Variants in CLASP2 observed in about 807,000 individuals in gnomAD.
CLASP2 encodes cytoplasmic linker associated protein 2.
In CLASP2, 47 loss-of-function variants were observed where a neutral mutation model predicts 194.4. That is an observed-to-expected ratio of 0.24 (90% confidence interval 0.19 to 0.31). The LOEUF (loss-of-function observed/expected upper bound fraction) is 0.31. CLASP2 is among the 10% of genes least tolerant of loss of function. The pLI is 1.00. For missense variants in CLASP2, 1,445 were observed against 1,823.6 expected (o/e 0.79, Z 3.78); for synonymous variants, 619 against 633.5 (o/e 0.98, Z 0.34).
Position 33,718,114 on chromosome 3 carries a change from C to G in CLASP2, c.-112G>C. The stretch of plus-strand genomic sequence containing the variant: ...AGCGGGCGGGACTCACTTAGCCCGC[C>G]AGGGGCGCGGCTTGCGGGGCGCAGC... On this transcript the variant is annotated 5_prime_UTR_variant, in exon 1 of 39. Coordinates refer to ENST00000682230, the MANE Select transcript of CLASP2 (RefSeq NM_001365631.1). 8.8e-7 allele frequency: 1 copy of G among 1,137,604 alleles called. No individual in the cohort carries two copies. Among genetic ancestry groups the G allele is most frequent in the Non-Finnish European group, 1.2e-6 (1 of 868,282 alleles). 70.5% of individuals were successfully genotyped at this position (1,137,604 alleles called of 1,614,324 possible).
intron 1 of CLASP2, among the ~76,000 whole-genome samples, chr3:33,707,015 A>G (rs1219411568): frequency 6.6e-6 from 1 of 152,186 alleles, no homozygotes; most frequent in Admixed American, 6.5e-5. Flanking sequence ...AACTCTGTCC[A>G]TTGAATAAAT....
chr3:33,649,297 G>C (rs530242927), intron 7 of CLASP2, among the ~76,000 whole-genome samples: 2 of 152,066 alleles, frequency 1.3e-5, no homozygotes, highest in African/African-American at 4.8e-5. Flanking sequence ...TTTTTTCCTA[G>C]CACTTATCAT....
intron 34 of CLASP2, among the ~76,000 whole-genome samples, chr3:33,531,408 G>C (rs2056256010): frequency 6.6e-6 from 1 of 152,172 alleles, no homozygotes; most frequent in Admixed American, 6.5e-5. Context: ...TTTTTCCAAA[G>C]ATGGTAATCA....
chr3:33,510,495 T>C, intron 37 of CLASP2, 63 bp downstream of exon 37: 1 of 1,464,602 alleles, frequency 6.8e-7, no homozygotes, highest in Non-Finnish European at 9.5e-7. Flanking sequence ...GCCTGGAAAG[T>C]ACCTAAAATA....
chr3:33,693,939 A>G, intron 2 of CLASP2, among the ~76,000 whole-genome samples: 1 of 152,134 alleles, frequency 6.6e-6, no homozygotes, highest in East Asian at 1.9e-4. Context: ...AACAAAAGTA[A>G]GTTAATGTAA....
intron 12 of CLASP2, among the ~76,000 whole-genome samples, chr3:33,616,178 A>G (rs1389853315): frequency 6.6e-6 from 1 of 152,132 alleles, no homozygotes; most frequent in Non-Finnish European, 1.5e-5. Flanking sequence ...TTCTAAAAAG[A>G]AAAAGTCAGC....
At chr3:33,714,750 A>ATTTT (rs778327856) in intron 1 of CLASP2, among the ~76,000 whole-genome samples, 1 of 151,082 alleles carries the variant, frequency 6.6e-6, no homozygotes, top group African/African-American at 2.4e-5. Flanking sequence ...CACTGTATTT[A>ATTTT]TTTTTTTTTA....
intron 34 of CLASP2, among the ~76,000 whole-genome samples, chr3:33,521,633 T>A (rs890833143): frequency 3.9e-5 from 6 of 152,184 alleles, no homozygotes; most frequent in African/African-American, 1.2e-4. Flanking sequence ...ACATGATGAT[T>A]AAATGCAATG....
At chr3:33,566,593 C>T in intron 27 of CLASP2, 139 bp downstream of exon 27, 1 of 286,014 alleles carries the variant, frequency 3.5e-6, no homozygotes, top group African/African-American at 2.3e-5. Flanking sequence ...TGATAGTTTG[C>T]ATAACTGCAA....
intron 12 of CLASP2, among the ~76,000 whole-genome samples, chr3:33,613,749 G>A (rs558728944): frequency 1.3e-4 from 20 of 152,252 alleles, no homozygotes; most frequent in African/African-American, 2.6e-4. Context: ...ACATTACTAC[G>A]GAGGTAAAAC....
chr3:33,604,310 TTTC>T lies in CLASP2; in HGVS notation c.1695-104_1695-102del, dbSNP rs2073161855. The T allele has an allele frequency of 7.6e-6, 6 of 784,886 alleles. No individual in the cohort carries two copies. The South Asian group carries it at 8.4e-5, about 11-fold the overall frequency. 48.6% of individuals were successfully genotyped at this position (784,886 alleles called of 1,614,324 possible). A position where few individuals can be genotyped will look rare whatever the true frequency, so the allele number is the denominator to read the frequency against. On this transcript the variant is annotated intron_variant, in intron 16 of 38. Coordinates refer to ENST00000682230, the MANE Select transcript of CLASP2 (RefSeq NM_001365631.1). ...GAATTTTGTGGAAAGTTGAGAAGTA[TTTC>T]TTTTTTCTTTTTTTTTTTTTTTGAG...
chr3:33,691,558 A>G (rs942301333), intron 2 of CLASP2, among the ~76,000 whole-genome samples: 9 of 152,222 alleles, frequency 5.9e-5, no homozygotes, highest in African/African-American at 9.6e-5. Flanking sequence ...TCTAATTATG[A>G]GGCAACGTTC....
At chr3:33,592,060 C>T (rs1033669385) in intron 21 of CLASP2, among the ~76,000 whole-genome samples, 3 of 152,138 alleles carry the variant, frequency 2.0e-5, no homozygotes, top group Non-Finnish European at 4.4e-5. Flanking sequence ...TAAAATATCT[C>T]CATGCAAAAG....
intron 6 of CLASP2, among the ~76,000 whole-genome samples, chr3:33,671,929 A>G (rs1278482452): frequency 2.0e-5 from 3 of 152,216 alleles, no homozygotes; most frequent in Non-Finnish European, 4.4e-5. Flanking sequence ...TAGGTAAACA[A>G]AGCAGCTGGG....
chr3:33,678,818 G>A (rs536361381), intron 6 of CLASP2, among the ~76,000 whole-genome samples: 1 of 152,228 alleles, frequency 6.6e-6, no homozygotes, highest in African/African-American at 2.4e-5. Context: ...AGGATGGCTC[G>A]GTATTTTCAA....
intron 7 of CLASP2, among the ~76,000 whole-genome samples, chr3:33,656,503 T>C (rs2084242922): frequency 6.6e-6 from 1 of 152,152 alleles, no homozygotes; most frequent in South Asian, 2.1e-4. Context: ...GAAAAGAATG[T>C]AGGACAGCAG....
chr3:33,700,111 A>G (rs2092269498), intron 1 of CLASP2, among the ~76,000 whole-genome samples: 2 of 152,208 alleles, frequency 1.3e-5, no homozygotes, highest in Non-Finnish European at 1.5e-5. Context: ...ATAACAGGAA[A>G]TAGTTGAAAT....
intron 3 of CLASP2, among the ~76,000 whole-genome samples, chr3:33,688,915 A>G (rs767656255): frequency 2.2e-4 from 34 of 152,128 alleles, no homozygotes; most frequent in Non-Finnish European, 2.9e-4. Context: ...GCATAGATAA[A>G]CCTATACAAA....
chr3:33,525,467 A>C (rs969857279), intron 34 of CLASP2, among the ~76,000 whole-genome samples: 1 of 152,072 alleles, frequency 6.6e-6, no homozygotes, highest in African/African-American at 2.4e-5. Flanking sequence ...ACAGAGAACA[A>C]AGAAAAGTAA....
Sources: gnomAD v4.1 joint callset for allele counts (sites outside exome capture counted in the v4.1 genomes callset) on GRCh38, gnomAD v4.1.1 for gene constraint, MANE v1.5 for transcripts, NCBI Gene and HGNC (gene_info 2026-07-23, HGNC 2026-07-21) for gene names.